The following LINGO2 variants were observed in gnomAD, a reference collection of about 807,000 sequenced individuals.
LINGO2 encodes leucine-rich repeat and immunoglobulin-like domain-containing nogo receptor-interacting protein 2.
Under a neutral mutation model 30.6 loss-of-function variants are expected in LINGO2, and 14 were observed. The observed-to-expected ratio is 0.46, with a 90% CI of 0.30 to 0.72. The LOEUF (loss-of-function observed/expected upper bound fraction) is 0.72, where lower values mean the gene tolerates loss of function less well. Ranked by LOEUF, LINGO2 falls within the 30% of genes least tolerant of loss-of-function variation. LINGO2 has a pLI of 0.07. For missense variants in LINGO2, 729 were observed against 751.7 expected (o/e 0.97, Z 0.35); for synonymous variants, 317 against 288.5 (o/e 1.10, Z -1.00).
At chr9:28,556,043 T>A (rs1016791480) in intron 1 of LINGO2, among the ~76,000 whole-genome samples, 2 of 152,112 alleles carry the variant, frequency 1.3e-5, no homozygotes, top group African/African-American at 4.8e-5. Flanking sequence ...AATATCATAC[T>A]GAATGGGCAA....
chr9:28,569,214 T>C (rs988350272), intron 1 of LINGO2, among the ~76,000 whole-genome samples: 4 of 151,984 alleles, frequency 2.6e-5, no homozygotes, highest in African/African-American at 7.2e-5. Context: ...ACTGCCATTA[T>C]AGAAAACAGT....
chr9:28,671,680 G>T (rs961042207), upstream of LINGO2, among the ~76,000 whole-genome samples: 1 of 151,910 alleles, frequency 6.6e-6, no homozygotes, highest in Non-Finnish European at 1.5e-5. Context: ...TACGTATCAC[G>T]TACTATGCCT....
intron 3 of LINGO2, among the ~76,000 whole-genome samples, chr9:28,323,237 C>A (rs1280840435): frequency 6.6e-6 from 1 of 152,162 alleles, no homozygotes; most frequent in Non-Finnish European, 1.5e-5. Flanking sequence ...AATGGATTAC[C>A]TATAGCTCTC....
the LINGO2 span, among the ~76,000 whole-genome samples, chr9:28,840,153 C>T: frequency 2.0e-5 from 3 of 151,848 alleles, no homozygotes; most frequent in Non-Finnish European, 4.4e-5. Context: ...CCTGAGAGCA[C>T]GGAGATGCTC....
At chr9:27,940,713 A>G in the LINGO2 span, 1 of 152,292 alleles carries the variant, frequency 6.6e-6, no homozygotes, top group East Asian at 1.9e-4. Context: ...AAGGAAGAAG[A>G]AACCAAACAG....
chr9:28,191,566 C>G (rs1228397782), intron 4 of LINGO2, among the ~76,000 whole-genome samples: 1 of 152,072 alleles, frequency 6.6e-6, no homozygotes, highest in Non-Finnish European at 1.5e-5. Flanking sequence ...CCTCTTAACC[C>G]CCTTTCTTCC....
chr9:29,199,053 G>C, the LINGO2 span, among the ~76,000 whole-genome samples: 3 of 152,086 alleles, frequency 2.0e-5, no homozygotes, highest in Admixed American at 1.3e-4. Flanking sequence ...TCTTGTTCAA[G>C]TATAATGGTT....
chr9:28,638,606 T>C (rs900007896), intron 1 of LINGO2, among the ~76,000 whole-genome samples: 5 of 152,330 alleles, frequency 3.3e-5, no homozygotes, highest in African/African-American at 1.2e-4. Context: ...TATATTTGCG[T>C]AGAGGTGTTT....
intron 2 of LINGO2, among the ~76,000 whole-genome samples, chr9:28,462,414 T>TAAAA (rs61677547): frequency 1.2e-4 from 11 of 89,076 alleles, no homozygotes; most frequent in African/African-American, 2.2e-4. Flanking sequence ...ATGCTCTAGC[T>TAAAA]AAAAAAAAAA....
intron 1 of LINGO2, among the ~76,000 whole-genome samples, chr9:28,518,301 T>C (rs1414557484): frequency 1.3e-5 from 2 of 152,198 alleles, no homozygotes; most frequent in East Asian, 1.9e-4. Context: ...CTTTCCACCA[T>C]TCAATGAAAT....
the LINGO2 span, among the ~76,000 whole-genome samples, chr9:28,985,682 G>C: frequency 6.6e-5 from 10 of 151,974 alleles, no homozygotes; most frequent in Non-Finnish European, 1.2e-4. Context: ...TTTCCATTCA[G>C]GTCCCTTGCC....
intron 5 of LINGO2, among the ~76,000 whole-genome samples, chr9:27,999,827 G>A (rs191939759): frequency 3.9e-5 from 6 of 152,106 alleles, no homozygotes; most frequent in East Asian, 3.9e-4. Flanking sequence ...AATAAAAATC[G>A]TACATGTATT....
the LINGO2 span, among the ~76,000 whole-genome samples, chr9:29,133,557 G>C: frequency 6.6e-6 from 1 of 152,056 alleles, no homozygotes; most frequent in Non-Finnish European, 1.5e-5. Flanking sequence ...TTATGGTCAG[G>C]ACTGAAGAAT....
At chr9:27,973,505 T>C (rs2118797037) in intron 5 of LINGO2, among the ~76,000 whole-genome samples, 1 of 152,306 alleles carries the variant, frequency 6.6e-6, no homozygotes, top group East Asian at 1.9e-4. Flanking sequence ...ATTCTCTTTC[T>C]GACTTAACAG....
intron 4 of LINGO2, among the ~76,000 whole-genome samples, chr9:28,208,388 C>A (rs989564962): frequency 6.6e-5 from 10 of 151,950 alleles, no homozygotes; most frequent in Non-Finnish European, 1.3e-4. Flanking sequence ...ATATATCTTA[C>A]GGCAAATCTT....
At position 27,988,094 on chromosome 9, in the gene LINGO2, CAT is replaced by C. The variant is rs1358123381; in HGVS notation, c.-36+24259_-36+24260del. On this transcript the variant is annotated intron_variant, in intron 5 of 5. Coordinates refer to ENST00000379992, the Ensembl canonical transcript of LINGO2. ...TTTAATTCCCACCTATGATCGAGAA[CAT>C]GTGGTGTTTGTTTTTTTGTCCTTGT... 6.6e-5 allele frequency among the ~76,000 whole-genome samples: 10 copies of C among 152,128 alleles called. No homozygotes were observed. In the East Asian group the frequency reaches 1.9e-3, roughly 30 times the overall value.
chr9:29,162,902 G>A, the LINGO2 span, among the ~76,000 whole-genome samples: 2 of 151,962 alleles, frequency 1.3e-5, no homozygotes, highest in African/African-American at 4.8e-5. Context: ...CTGCACCTTG[G>A]GTTTCATAAT....
At chr9:28,074,581 TAG>T (rs1302998600) in intron 4 of LINGO2, among the ~76,000 whole-genome samples, 3 of 152,116 alleles carry the variant, frequency 2.0e-5, no homozygotes, top group Admixed American at 2.0e-4. Context: ...AGGAAGTACA[TAG>T]AGACTTACTG....
intron 4 of LINGO2, among the ~76,000 whole-genome samples, chr9:28,036,596 C>T (rs755912896): frequency 1.3e-5 from 2 of 152,180 alleles, no homozygotes; most frequent in Non-Finnish European, 2.9e-5. Context: ...AAAAGTGTTG[C>T]TTTGGGAAAT....
Sources: allele counts gnomAD v4.1 joint callset (sites outside exome capture counted in the v4.1 genomes callset), GRCh38; gene constraint gnomAD v4.1.1; transcripts MANE v1.5; gene names NCBI Gene and HGNC (gene_info 2026-07-23, HGNC 2026-07-21).